ACBD6: variants seen among roughly 807,000 people sequenced by gnomAD.
ACBD6 encodes acyl-CoA-binding domain-containing protein 6.
Under a neutral mutation model 37.2 loss-of-function variants are expected in ACBD6, and 28 were observed. That is an observed-to-expected ratio of 0.75 (90% CI 0.56 to 1.03). The LOEUF (loss-of-function observed/expected upper bound fraction) is 1.03. Ranked by LOEUF, ACBD6 falls within the 50% of genes least tolerant of loss-of-function variation. The pLI, the probability that ACBD6 is intolerant of heterozygous loss-of-function variation, is 0.00. For missense variants in ACBD6, 340 were observed against 337.4 expected (o/e 1.01, Z -0.06); for synonymous variants, 113 against 126.8 (o/e 0.89, Z 0.73).
At chr1:180,492,707 T>A (rs1242551020) in intron 2 of ACBD6, among the ~76,000 whole-genome samples, 1 of 152,210 alleles carries the variant, frequency 6.6e-6, no homozygotes, top group African/African-American at 2.4e-5. Context: ...TTCACCCCTA[T>A]TGAGGATATA....
At chr1:180,384,448 C>T (rs529783308) in intron 6 of ACBD6, among the ~76,000 whole-genome samples, 2 of 152,074 alleles carry the variant, frequency 1.3e-5, no homozygotes, top group Non-Finnish European at 2.9e-5. Flanking sequence ...ATCAAGACCA[C>T]GAGATACCAT....
chr1:180,415,637 G>A (rs769190370), intron 4 of ACBD6, among the ~76,000 whole-genome samples: 29 of 152,160 alleles, frequency 1.9e-4, no homozygotes, highest in Middle Eastern at 3.2e-3. Context: ...GAAGTTGGTG[G>A]TAGGGCACAG....
chr1:180,461,185 G>C (rs556950056), intron 3 of ACBD6, among the ~76,000 whole-genome samples: 1 of 152,018 alleles, frequency 6.6e-6, no homozygotes, highest in South Asian at 2.1e-4. Context: ...AATAAGACAA[G>C]CAGACAAAAA....
chr1:180,368,258 T>C (rs1653123872), intron 6 of ACBD6, among the ~76,000 whole-genome samples: 1 of 152,162 alleles, frequency 6.6e-6, no homozygotes, highest in Non-Finnish European at 1.5e-5. Flanking sequence ...TTTAAGTTAT[T>C]TACAGATGCT....
chr1:180,464,732 A>G (rs1650282213), intron 3 of ACBD6, among the ~76,000 whole-genome samples: 1 of 152,158 alleles, frequency 6.6e-6, no homozygotes, highest in African/African-American at 2.4e-5. Context: ...AGCCAAGACA[A>G]TCCTAAGCAA....
intron 7 of ACBD6, among the ~76,000 whole-genome samples, chr1:180,311,957 G>A (rs1650609985): frequency 6.6e-6 from 1 of 152,170 alleles, no homozygotes; most frequent in Admixed American, 6.5e-5. Flanking sequence ...TGTCATGTTG[G>A]AAGTCAGTCT....
At chr1:180,473,366 G>A (rs1650645033) in intron 3 of ACBD6, among the ~76,000 whole-genome samples, 1 of 146,874 alleles carries the variant, frequency 6.8e-6, no homozygotes, top group Non-Finnish European at 1.5e-5. Flanking sequence ...AGAATGGCGT[G>A]AACCCGGGAG....
chr1:180,332,714 G>GTAA (rs1651532749), intron 6 of ACBD6, among the ~76,000 whole-genome samples: 1 of 152,018 alleles, frequency 6.6e-6, no homozygotes. Context: ...ATATTGCAAT[G>GTAA]TAATAATAAT....
At chr1:180,489,513 T>C (rs1004850940) in intron 3 of ACBD6, among the ~76,000 whole-genome samples, 10 of 151,348 alleles carry the variant, frequency 6.6e-5, no homozygotes, top group Non-Finnish European at 1.5e-5. Flanking sequence ...TATTAATTTT[T>C]TAAAGTTTAT....
intron 6 of ACBD6, among the ~76,000 whole-genome samples, chr1:180,394,240 C>A (rs920560176): frequency 8.6e-5 from 13 of 151,868 alleles, no homozygotes; most frequent in African/African-American, 2.9e-4. Context: ...ACTACAGGCA[C>A]CCACCACTAC....
At chr1:180,490,671 A>AGCT (rs1651457991) in intron 3 of ACBD6, among the ~76,000 whole-genome samples, 1 of 151,772 alleles carries the variant, frequency 6.6e-6, no homozygotes. Context: ...CTGTAGTCCC[A>AGCT]GCTACTCAGG....
At chr1:180,397,470 T>A in intron 6 of ACBD6, 46 bp downstream of exon 6, 1 of 1,516,586 alleles carries the variant, frequency 6.6e-7, no homozygotes. Flanking sequence ...GTTATGCGAA[T>A]TATACTTCAA....
At chr1:180,322,877 T>C (rs916903160) in intron 6 of ACBD6, among the ~76,000 whole-genome samples, 2 of 151,542 alleles carry the variant, frequency 1.3e-5, no homozygotes, top group Admixed American at 6.6e-5. Context: ...TTTTATTTTA[T>C]TTATTATTTT....
chr1:180,474,905 A>G (rs973339620), intron 3 of ACBD6, among the ~76,000 whole-genome samples: 1 of 152,218 alleles, frequency 6.6e-6, no homozygotes, highest in African/African-American at 2.4e-5. Context: ...TCCAACTGGG[A>G]CATTTTCTAC....
intron 6 of ACBD6, among the ~76,000 whole-genome samples, chr1:180,374,750 T>C (rs984630944): frequency 6.6e-6 from 1 of 152,144 alleles, no homozygotes; most frequent in African/African-American, 2.4e-5. Flanking sequence ...GATAAAATAT[T>C]TGAAATATAG....
chr1:180,446,588 A>T (rs1028859356), intron 3 of ACBD6, among the ~76,000 whole-genome samples: 22 of 152,186 alleles, frequency 1.4e-4, no homozygotes, highest in African/African-American at 5.3e-4. Context: ...TTAAAAAGAA[A>T]ACTTTACCAT....
At chr1:180,497,801 T>C (rs563817045) in intron 1 of ACBD6, among the ~76,000 whole-genome samples, 1 of 152,304 alleles carries the variant, frequency 6.6e-6, no homozygotes, top group Admixed American at 6.5e-5. Context: ...GTTGTTTTGG[T>C]TGAAGTATAT....
chr1:180,405,624 A>C (rs1237155197), intron 5 of ACBD6, among the ~76,000 whole-genome samples: 2 of 152,216 alleles, frequency 1.3e-5, no homozygotes, highest in Non-Finnish European at 2.9e-5. Context: ...ATTACTTCAA[A>C]GATTTAAAAT....
chr1:180,446,160 G>A (rs372955307), intron 3 of ACBD6, among the ~76,000 whole-genome samples: 5 of 150,360 alleles, frequency 3.3e-5, no homozygotes, highest in South Asian at 2.1e-4. Flanking sequence ...GCACCATCAC[G>A]CCGGGATAAT....
Sources: gnomAD v4.1 joint callset for allele counts (sites outside exome capture counted in the v4.1 genomes callset) on GRCh38, gnomAD v4.1.1 for gene constraint, MANE v1.5 for transcripts, NCBI Gene and HGNC (gene_info 2026-07-23, HGNC 2026-07-21) for gene names.